Variants in MAGI2 observed in about 807,000 individuals in gnomAD.
MAGI2 encodes membrane-associated guanylate kinase, WW and PDZ domain-containing protein 2.
A neutral mutation model predicts 133.3 loss-of-function variants in MAGI2; 35 were observed. That is an observed-to-expected ratio of 0.26 (90% confidence interval 0.20 to 0.35). The LOEUF (loss-of-function observed/expected upper bound fraction) is 0.35. MAGI2 is among the 10% of genes least tolerant of loss of function. The pLI is 1.00. For missense variants in MAGI2, 1,636 were observed against 1,863.4 expected (o/e 0.88, Z 2.25); for synonymous variants, 729 against 710.6 (o/e 1.03, Z -0.41).
intron 21 of MAGI2, among the ~76,000 whole-genome samples, chr7:78,065,929 T>C (rs2151148339): frequency 6.6e-6 from 1 of 152,346 alleles, no homozygotes; most frequent in African/African-American, 2.4e-5. Flanking sequence ...GGTGCTTTAA[T>C]GGAGGCACAA....
At chr7:78,403,656 C>T (rs541186400) in intron 6 of MAGI2, among the ~76,000 whole-genome samples, 23 of 152,196 alleles carry the variant, frequency 1.5e-4, no homozygotes, top group African/African-American at 5.3e-4. Flanking sequence ...TCCTCTGCAG[C>T]ACCTGTTGTT....
At chr7:79,329,534 T>C (rs577380869) in intron 1 of MAGI2, among the ~76,000 whole-genome samples, 3 of 152,352 alleles carry the variant, frequency 2.0e-5, no homozygotes, top group Non-Finnish European at 2.9e-5. Flanking sequence ...ATTATAAAGA[T>C]GGCTGGAAGA....
chr7:78,094,024 T>G (rs989771496), intron 20 of MAGI2, among the ~76,000 whole-genome samples: 7 of 152,172 alleles, frequency 4.6e-5, no homozygotes. Flanking sequence ...TAATTCTAAT[T>G]CATATATATA....
At chr7:79,367,650 T>C (rs917034404) in intron 1 of MAGI2, among the ~76,000 whole-genome samples, 1 of 151,926 alleles carries the variant, frequency 6.6e-6, no homozygotes, top group Non-Finnish European at 1.5e-5. Context: ...TCTGTATGTT[T>C]TTAGCACAGT....
intron 1 of MAGI2, among the ~76,000 whole-genome samples, chr7:79,156,584 T>C (rs1823803695): frequency 6.6e-6 from 1 of 152,124 alleles, no homozygotes; most frequent in Admixed American, 6.6e-5. Flanking sequence ...AATGTTTAAA[T>C]TTACCTATAA....
intron 1 of MAGI2, among the ~76,000 whole-genome samples, chr7:79,193,423 C>T (rs1438704279): frequency 6.6e-6 from 1 of 151,868 alleles, no homozygotes; most frequent in East Asian, 1.9e-4. Context: ...GTTGAATTAA[C>T]ATTGTATAGT....
intron 1 of MAGI2, among the ~76,000 whole-genome samples, chr7:79,384,103 CATT>C (rs1345854140): frequency 8.0e-6 from 1 of 124,740 alleles, no homozygotes; most frequent in Non-Finnish European, 1.6e-5. Context: ...ATTCACCTAA[CATT>C]ATATATGAAG....
intron 3 of MAGI2, chr7:78,554,499 G>T (rs906614040): frequency 4.6e-5 from 7 of 152,190 alleles, no homozygotes; most frequent in Non-Finnish European, 1.0e-4. Context: ...ATGGGATTCA[G>T]GACACATTAC....
intron 21 of MAGI2, 97 bp downstream of exon 21, chr7:78,078,850 G>T: frequency 7.5e-7 from 1 of 1,331,988 alleles, no homozygotes; most frequent in Non-Finnish European, 1.1e-6. Flanking sequence ...ATATATTTAG[G>T]TAGAAGTGGA....
intron 2 of MAGI2, among the ~76,000 whole-genome samples, chr7:78,921,890 C>T (rs1799258307): frequency 1.3e-5 from 2 of 152,102 alleles, no homozygotes; most frequent in Admixed American, 6.6e-5. Flanking sequence ...GCCTTGGCCT[C>T]ACCAAATTGC....
At chr7:78,675,391 A>C (rs1814905961) in intron 2 of MAGI2, among the ~76,000 whole-genome samples, 1 of 152,016 alleles carries the variant, frequency 6.6e-6, no homozygotes, top group African/African-American at 2.4e-5. Context: ...CAGAGGTAAG[A>C]GGAGGAAAGG....
At chr7:78,067,338 A>G (rs1168010207) in intron 21 of MAGI2, among the ~76,000 whole-genome samples, 1 of 152,210 alleles carries the variant, frequency 6.6e-6, no homozygotes, top group Non-Finnish European at 1.5e-5. Context: ...TGCCCAGAGC[A>G]TGGTGGAAAT....
intron 1 of MAGI2, chr7:79,414,408 A>G (rs1846355951): frequency 1.3e-5 from 2 of 152,096 alleles, no homozygotes; most frequent in Admixed American, 1.3e-4. Context: ...GGTTATAAAG[A>G]CAGTAACTGG....
At chr7:79,383,114 C>A (rs776169287) in intron 1 of MAGI2, among the ~76,000 whole-genome samples, 1 of 151,608 alleles carries the variant, frequency 6.6e-6, no homozygotes, top group Non-Finnish European at 1.5e-5. Flanking sequence ...AGTGAAGACA[C>A]AACATGGTGG....
chr7:79,336,912 T>C (rs148743492), intron 1 of MAGI2, among the ~76,000 whole-genome samples: 268 of 151,620 alleles, frequency 1.8e-3, no homozygotes, highest in Non-Finnish European at 2.8e-3. Flanking sequence ...AATCTAGAGA[T>C]CTAACACACA....
chr7:78,698,753 G>A (rs1563371657), intron 2 of MAGI2, among the ~76,000 whole-genome samples: 2 of 152,100 alleles, frequency 1.3e-5, no homozygotes, highest in Non-Finnish European at 2.9e-5. Flanking sequence ...TTTTTCACGT[G>A]GCAGTGCGAG....
chr7:78,566,741 T>A (rs1031335271), intron 3 of MAGI2, among the ~76,000 whole-genome samples: 9 of 152,210 alleles, frequency 5.9e-5, no homozygotes, highest in Non-Finnish European at 1.2e-4. Context: ...AATCCTTATC[T>A]TTTCTTCTAT....
chr7:78,230,379 G>A (rs972260259), intron 10 of MAGI2, among the ~76,000 whole-genome samples: 6 of 152,268 alleles, frequency 3.9e-5, no homozygotes, highest in African/African-American at 1.2e-4. Flanking sequence ...CCTTTAGAAC[G>A]TGATTTTATT....
At chr7:79,213,052 C>T (rs976896071) in intron 1 of MAGI2, among the ~76,000 whole-genome samples, 1 of 151,814 alleles carries the variant, frequency 6.6e-6, no homozygotes, top group Non-Finnish European at 1.5e-5. Flanking sequence ...GTGAGAATAG[C>T]GGTAGTGAGG....
Sources: allele counts gnomAD v4.1 joint callset (sites outside exome capture counted in the v4.1 genomes callset), GRCh38; gene constraint gnomAD v4.1.1; transcripts MANE v1.5; gene names NCBI Gene and HGNC (gene_info 2026-07-23, HGNC 2026-07-21).